Variants in SLC38A8 observed in about 807,000 individuals in gnomAD.
SLC38A8 encodes the protein solute carrier family 38 member 8, also known as amino acid transporter SLC38A8.
A neutral mutation model predicts 46.0 loss-of-function variants in SLC38A8; 65 were observed. The observed-to-expected ratio is 1.41, with a 90% CI of 1.16 to 1.74. The LOEUF (loss-of-function observed/expected upper bound fraction) is 1.74. Among genes scored for constraint, SLC38A8 ranks in the 40% most tolerant of loss-of-function variants. The pLI is 0.00. For missense variants in SLC38A8, 998 were observed against 567.9 expected (o/e 1.76, Z -7.70); for synonymous variants, 447 against 243.7 (o/e 1.83, Z -7.77).
chr16:84,019,274 CTG>C (rs1315814525), intron 7 of SLC38A8, among the ~76,000 whole-genome samples: 1 of 152,082 alleles, frequency 6.6e-6, no homozygotes, highest in Non-Finnish European at 1.5e-5. Flanking sequence ...CGGGGTTTCA[CTG>C]TGTTAGCCAG....
intron 2 of SLC38A8, among the ~76,000 whole-genome samples, chr16:84,037,697 G>A (rs960639332): frequency 8.6e-5 from 13 of 151,482 alleles, no homozygotes; most frequent in African/African-American, 2.9e-4. Flanking sequence ...GGAGGCGGAC[G>A]TTGCAGTGAG....
chr16:84,038,709 C>G (rs763827146), intron 2 of SLC38A8, among the ~76,000 whole-genome samples: 2 of 152,222 alleles, frequency 1.3e-5, no homozygotes, highest in Admixed American at 6.5e-5. Context: ...GACGGTGCCA[C>G]GAGTCCCACT....
chr16:84,017,260 G>C lies in SLC38A8; in HGVS notation c.833C>G (p.Thr278Arg). Residue 278 changes from threonine (T) to arginine (R), a missense_variant, in exon 8 of 11, where the codon ACA becomes AGA. By Grantham distance (71) the Thr-to-Arg change is moderately conservative. Transcript: ENST00000299709. ...CATCAAGACGTCAGCAGAAACTTCT[G>C]TCCCAAAAGTCAGGAAGCCATAAAC... ...TGVYGFLTFG[T>R]EVSADVLMSY... 1.9e-6 allele frequency: 3 copies of C among 1,614,066 alleles called. No homozygotes were observed. The highest frequency in any genetic ancestry group is 1.1e-5 in the South Asian group (1 of 91,076).
At chr16:84,014,648 G>C (rs373665398) in intron 9 of SLC38A8, among the ~76,000 whole-genome samples, 2 of 152,182 alleles carry the variant, frequency 1.3e-5, no homozygotes, top group African/African-American at 4.8e-5. Context: ...GTGGGTGGCT[G>C]TTCTCCTCCC....
chr16:84,034,835 TG>T (rs1250985999), intron 3 of SLC38A8, among the ~76,000 whole-genome samples: 3 of 151,922 alleles, frequency 2.0e-5, no homozygotes, highest in African/African-American at 7.3e-5. Context: ...TGTCTGCATC[TG>T]GACCTCCCAT....
intron 7 of SLC38A8, among the ~76,000 whole-genome samples, chr16:84,018,760 G>C (rs922944939): frequency 6.6e-6 from 1 of 152,172 alleles, no homozygotes; most frequent in African/African-American, 2.4e-5. Context: ...CGGCCGAAAT[G>C]AGATGCTTTT....
At chr16:84,014,612 G>C (rs2085002898) in intron 9 of SLC38A8, among the ~76,000 whole-genome samples, 1 of 152,166 alleles carries the variant, frequency 6.6e-6, no homozygotes, top group South Asian at 2.1e-4. Flanking sequence ...TCACCTCTGA[G>C]AGCTCTGGGC....
intron 6 of SLC38A8, 145 bp from the exon 7 acceptor site, chr16:84,023,034 T>G: frequency 1.6e-6 from 1 of 606,072 alleles, no homozygotes; most frequent in Non-Finnish European, 2.8e-6. Flanking sequence ...ATTCTTTAAT[T>G]CACAGTACAC....
rs144170331 is a variant in SLC38A8, at chr16:84,042,031, G to C, written c.127C>G (p.Leu43Val). ...LMKSALGAGL[L>V]NFPWAFSKAG... The stretch of plus-strand genomic sequence containing the variant: ...TTGGAGAAGGCCCAGGGGAAGTTGA[G>C]CAGGCCAGCTCCCAGCGCGGACTTC... Residue 43 changes from leucine to valine, a missense_variant, in exon 2 of 11, where the codon CTC becomes GTC. Transcript: ENST00000299709. 116 of 1,613,456 alleles carry C rather than the reference G, an allele frequency of 7.2e-5. No individual in the cohort carries two copies. The highest frequency in any genetic ancestry group is 9.6e-5 in the Non-Finnish European group (113 of 1,179,774).
rs533874286 is a variant in SLC38A8, at chr16:84,030,427, C to CA, written c.633-877dup. 4.4e-3 allele frequency among the ~76,000 whole-genome samples: 676 copies of CA among 152,212 alleles called. 3 individuals are homozygous for CA. The highest frequency in any genetic ancestry group is 0.015 in the African/African-American group (627 of 41,506). Reference sequence around the variant, plus strand: ...TACAGATCTCAGCACTCACAGCCTTCAATGCCATGTCTGGGCCAACGTCAG... The same window carrying CA: ...TACAGATCTCAGCACTCACAGCCTTCAAATGCCATGTCTGGGCCAACGTCAG... On this transcript the variant is annotated intron_variant, in intron 5 of 10. Coordinates refer to ENST00000299709, the MANE Select transcript of SLC38A8 (RefSeq NM_001080442.3).
intron 5 of SLC38A8, among the ~76,000 whole-genome samples, chr16:84,030,848 G>A (rs1194193918): frequency 4.6e-5 from 7 of 151,024 alleles, no homozygotes; most frequent in Admixed American, 1.3e-4. Context: ...TGTAGGGGTC[G>A]CACACCCACG....
intron 7 of SLC38A8, among the ~76,000 whole-genome samples, chr16:84,020,054 G>A (rs919447445): frequency 6.6e-6 from 1 of 152,222 alleles, no homozygotes; most frequent in Non-Finnish European, 1.5e-5. Flanking sequence ...TAGTCCCAGT[G>A]GCAGTCCCAC....
chr16:84,036,932 G>A, intron 2 of SLC38A8, 32 bp from the exon 3 acceptor site: 1 of 1,574,096 alleles, frequency 6.4e-7, no homozygotes, highest in Non-Finnish European at 8.6e-7. Flanking sequence ...TGGAACTGGG[G>A]TGTGCCCACA....
At chr16:84,039,290 C>T (rs760599905) in intron 2 of SLC38A8, among the ~76,000 whole-genome samples, 3 of 152,190 alleles carry the variant, frequency 2.0e-5, no homozygotes, top group Non-Finnish European at 2.9e-5. Context: ...GTTATAGCAG[C>T]CCTAGGAAAC....
At chr16:84,023,140 C>G (rs2151118357) in intron 6 of SLC38A8, among the ~76,000 whole-genome samples, 1 of 149,170 alleles carries the variant, frequency 6.7e-6, no homozygotes, top group East Asian at 2.0e-4. Context: ...GCTCGCATTC[C>G]TTTCCTTATT....
intron 10 of SLC38A8, 129 bp downstream of exon 10, chr16:84,012,872 C>T (rs915156138): frequency 9.6e-7 from 1 of 1,036,712 alleles, no homozygotes; most frequent in Non-Finnish European, 1.4e-6. Flanking sequence ...AGACTCTCTT[C>T]CTGTGGCTCG....
At chr16:84,040,933 G>A (rs1597283203) in intron 2 of SLC38A8, 1 of 152,276 alleles carries the variant, frequency 6.6e-6, no homozygotes, top group Admixed American at 6.5e-5. Flanking sequence ...CAACGCCAGG[G>A]GTGTCATGGG....
At chr16:84,014,405 A>G (rs1215960575) in intron 9 of SLC38A8, among the ~76,000 whole-genome samples, 4 of 150,714 alleles carry the variant, frequency 2.7e-5, no homozygotes, top group African/African-American at 7.4e-5. Flanking sequence ...CTCCGCTCAG[A>G]GCATGCAGGA....
In SLC38A8 at chr16:84,037,030, G is replaced by A. The variant is rs2085308468; in HGVS notation, c.190-130C>T. 2.3e-5 allele frequency: 21 copies of A among 900,970 alleles called. No homozygotes were observed. The South Asian group carries it at 3.0e-4, about 13-fold the overall frequency. 55.8% of individuals were successfully genotyped at this position (900,970 alleles called of 1,614,324 possible). ...AGGCCAGGGCTGCTGCCAACATGGG[G>A]TTGGCAGTCTACCAGCTATGTCACT... On this transcript the variant is annotated intron_variant, in intron 2 of 10. Transcript: ENST00000299709.
Sources: gnomAD v4.1 joint callset for allele counts (sites outside exome capture counted in the v4.1 genomes callset) on GRCh38, gnomAD v4.1.1 for gene constraint, MANE v1.5 for transcripts, NCBI Gene and HGNC (gene_info 2026-07-23, HGNC 2026-07-21) for gene names.